ATRNL1: variants seen among roughly 807,000 people sequenced by gnomAD.
The protein encoded by ATRNL1 is attractin-like protein 1.
In ATRNL1, 95 loss-of-function variants were observed where a neutral mutation model predicts 182.7. The ratio of observed to expected loss-of-function variants is 0.52; its 90% CI spans 0.44 to 0.62. The LOEUF (loss-of-function observed/expected upper bound fraction) is 0.62, where lower values mean the gene tolerates loss of function less well. ATRNL1 is among the 20% of genes least tolerant of loss of function. The pLI is 0.00. For synonymous variants in ATRNL1, 576 were observed against 568.3 expected (o/e 1.01, Z -0.19); for missense variants, 1,471 against 1,679.5 (o/e 0.88, Z 2.17).
At chr10:115,610,141 A>T (rs1001430245) in intron 26 of ATRNL1, among the ~76,000 whole-genome samples, 3 of 152,186 alleles carry the variant, frequency 2.0e-5, no homozygotes, top group African/African-American at 7.2e-5. Flanking sequence ...TTTATAAATG[A>T]AGCTTGTAGA....
At chr10:115,531,281 C>A (rs1369520253) in intron 25 of ATRNL1, among the ~76,000 whole-genome samples, 1 of 152,064 alleles carries the variant, frequency 6.6e-6, no homozygotes, top group African/African-American at 2.4e-5. Context: ...ACATCCTCTC[C>A]AGCACCCGTT....
At chr10:115,910,938 C>T (rs1436459065) in intron 28 of ATRNL1, among the ~76,000 whole-genome samples, 1 of 152,152 alleles carries the variant, frequency 6.6e-6, no homozygotes, top group Admixed American at 6.5e-5. Context: ...AAGTTGTTTT[C>T]ATGTTCGTTA....
intron 24 of ATRNL1, among the ~76,000 whole-genome samples, chr10:115,489,943 G>A (rs1554976149): frequency 6.6e-6 from 1 of 152,130 alleles, no homozygotes; most frequent in East Asian, 1.9e-4. Context: ...CTCAGCATTT[G>A]TTTGCCTGTA....
intron 27 of ATRNL1, among the ~76,000 whole-genome samples, chr10:115,845,501 G>A (rs895050517): frequency 4.6e-5 from 7 of 151,782 alleles, no homozygotes; most frequent in African/African-American, 9.7e-5. Flanking sequence ...TTTTTTCTCC[G>A]TTGATGCTGT....
chr10:115,098,574 G>A (rs2085079153), intron 1 of ATRNL1, among the ~76,000 whole-genome samples: 1 of 142,918 alleles, frequency 7.0e-6, no homozygotes, highest in African/African-American at 2.7e-5. Context: ...CCATTCTCCT[G>A]CTTCAGCCTC....
intron 24 of ATRNL1, among the ~76,000 whole-genome samples, chr10:115,478,544 C>G (rs1848630368): frequency 1.3e-5 from 2 of 151,646 alleles, no homozygotes; most frequent in Admixed American, 6.6e-5. Context: ...TTTCTTCAGT[C>G]TGTTATAATG....
chr10:115,705,630 T>A (rs527665114), intron 26 of ATRNL1, among the ~76,000 whole-genome samples: 1 of 152,002 alleles, frequency 6.6e-6, no homozygotes, highest in East Asian at 1.9e-4. Context: ...ATAAGATTAT[T>A]GTCTTTTACT....
chr10:115,817,848 T>G (rs1555089040), intron 27 of ATRNL1, among the ~76,000 whole-genome samples: 1 of 150,414 alleles, frequency 6.6e-6, no homozygotes, highest in Admixed American at 6.7e-5. Context: ...AATACAAAAT[T>G]TTAGCATATG....
chr10:115,098,523 G>T (rs1034278677), intron 1 of ATRNL1, among the ~76,000 whole-genome samples: 2 of 136,816 alleles, frequency 1.5e-5, no homozygotes, highest in Admixed American at 8.1e-5. Context: ...GTGCAGTGGC[G>T]CAATCTCGGC....
intron 1 of ATRNL1, among the ~76,000 whole-genome samples, chr10:115,115,513 AAT>A (rs1215441083): frequency 2.0e-5 from 3 of 152,106 alleles, no homozygotes; most frequent in African/African-American, 7.2e-5. Flanking sequence ...TTACCCCATG[AAT>A]ATATACAATT....
chr10:115,607,286 G>A (rs1235143535), intron 26 of ATRNL1, among the ~76,000 whole-genome samples: 1 of 151,490 alleles, frequency 6.6e-6, no homozygotes, highest in Non-Finnish European at 1.5e-5. Flanking sequence ...TTTAGTTATT[G>A]TTCTTTTTGT....
chr10:115,792,692 A>T (rs2134214710), intron 27 of ATRNL1, among the ~76,000 whole-genome samples: 1 of 152,134 alleles, frequency 6.6e-6, no homozygotes, highest in African/African-American at 2.4e-5. Context: ...ATATGAAAAA[A>T]ATATAAGTTT....
At chr10:115,816,496 A>G (rs557437420) in intron 27 of ATRNL1, among the ~76,000 whole-genome samples, 52 of 152,262 alleles carry the variant, frequency 3.4e-4, no homozygotes, top group African/African-American at 1.2e-3. Context: ...CTAACAAGTA[A>G]GGCCATATAT....
At chr10:115,510,554 T>G (rs1554982423) in intron 24 of ATRNL1, among the ~76,000 whole-genome samples, 1 of 152,028 alleles carries the variant, frequency 6.6e-6, no homozygotes, top group Non-Finnish European at 1.5e-5. Context: ...ATATATTTTC[T>G]TCTAGACATA....
intron 18 of ATRNL1, among the ~76,000 whole-genome samples, chr10:115,331,086 G>C (rs1855194427): frequency 1.3e-5 from 2 of 149,990 alleles, no homozygotes; most frequent in Non-Finnish European, 3.0e-5. Flanking sequence ...TTGAGACGGA[G>C]TCTTGCTCTG....
chr10:115,894,450 A>G (rs1952157143), intron 28 of ATRNL1, among the ~76,000 whole-genome samples: 1 of 152,150 alleles, frequency 6.6e-6, no homozygotes, highest in African/African-American at 2.4e-5. Context: ...GGAGCACCCA[A>G]GAGAATTTTT....
chr10:115,864,983 A>G (rs1168657502), intron 28 of ATRNL1, among the ~76,000 whole-genome samples: 1 of 150,400 alleles, frequency 6.6e-6, no homozygotes, highest in Non-Finnish European at 1.5e-5. Flanking sequence ...CTCCGTCTAA[A>G]AAAAAAAAAA....
At chr10:115,523,019 A>G (rs189474352) in intron 25 of ATRNL1, among the ~76,000 whole-genome samples, 2 of 152,292 alleles carry the variant, frequency 1.3e-5, no homozygotes, top group East Asian at 3.9e-4. Context: ...ATTTCTGCTC[A>G]GCATTGCCTC....
In ATRNL1 at chr10:115,738,125, G is replaced by GTTTTTTTTT. The variant is rs1565334914; in HGVS notation, c.3903+10770_3903+10771insTTTTTTTTT. ...CATAAAAAATGATTTAGAAGATAAT[G>GTTTTTTTTT]ATTTTTTTTTTTTTTTTTTTTTTTT... On this transcript the variant is annotated intron_variant, in intron 27 of 28. Coordinates refer to ENST00000355044, the MANE Select transcript of ATRNL1 (RefSeq NM_207303.4). Among the ~76,000 whole-genome samples the GTTTTTTTTT allele has an allele frequency of 1.7e-4, 9 of 53,192 alleles. 1 individual carries two copies. Among genetic ancestry groups the GTTTTTTTTT allele is most frequent in the Non-Finnish European group, 1.9e-4 (5 of 26,280 alleles). 34.9% of individuals were successfully genotyped at this position (53,192 alleles called of 152,430 possible). A position where few individuals can be genotyped will look rare whatever the true frequency, so the allele number is the denominator to read the frequency against.
Sources: gnomAD v4.1 joint callset for allele counts (sites outside exome capture counted in the v4.1 genomes callset) on GRCh38, gnomAD v4.1.1 for gene constraint, MANE v1.5 for transcripts, NCBI Gene and HGNC (gene_info 2026-07-23, HGNC 2026-07-21) for gene names.